SNCAIP: variants seen among roughly 807,000 people sequenced by gnomAD.
SNCAIP encodes the protein synuclein alpha interacting protein.
In SNCAIP, 43 loss-of-function variants were observed where a neutral mutation model predicts 86.7. The ratio of observed to expected loss-of-function variants is 0.50; its 90% CI spans 0.39 to 0.64. The LOEUF (loss-of-function observed/expected upper bound fraction) is 0.64. SNCAIP is among the 30% of genes least tolerant of loss of function. The pLI is 0.00. For synonymous variants in SNCAIP, 417 were observed against 427.2 expected, an observed-to-expected ratio of 0.98 and a Z score of 0.29; for missense variants, 981 against 1,103.1, an observed-to-expected ratio of 0.89 and a Z score of 1.57.
intron 1 of SNCAIP, among the ~76,000 whole-genome samples, chr5:122,355,642 A>C (rs905391468): frequency 3.3e-5 from 5 of 152,190 alleles, no homozygotes; most frequent in African/African-American, 1.2e-4. Flanking sequence ...AGTACCTCAC[A>C]TGGTAAGATC....
At chr5:122,373,469 C>T (rs554001890) in intron 1 of SNCAIP, among the ~76,000 whole-genome samples, 7 of 152,076 alleles carry the variant, frequency 4.6e-5, no homozygotes, top group Non-Finnish European at 2.9e-5. Flanking sequence ...TAGTGACAAA[C>T]AGAAGAGAAA....
At chr5:122,394,202 G>GA (rs1478707161) in intron 2 of SNCAIP, among the ~76,000 whole-genome samples, 1 of 151,890 alleles carries the variant, frequency 6.6e-6, no homozygotes, top group African/African-American at 2.4e-5. Context: ...ATATGTTTAT[G>GA]AAAAAGATGC....
intron 1 of SNCAIP, among the ~76,000 whole-genome samples, chr5:122,329,198 G>T (rs1460615905): frequency 6.9e-6 from 1 of 144,130 alleles, no homozygotes; most frequent in African/African-American, 2.6e-5. Flanking sequence ...GTGCTAATTT[G>T]TTTACATACA....
intron 1 of SNCAIP, among the ~76,000 whole-genome samples, chr5:122,374,089 G>T (rs112630007): frequency 3.8e-3 from 579 of 152,240 alleles, no homozygotes; most frequent in Non-Finnish European, 5.8e-3. Flanking sequence ...CGTTCTGATT[G>T]ATATTCTTTC....
intron 1 of SNCAIP, among the ~76,000 whole-genome samples, chr5:122,379,755 G>C (rs1315317898): frequency 6.7e-6 from 1 of 148,280 alleles, no homozygotes; most frequent in Non-Finnish European, 1.5e-5. Flanking sequence ...ATGAAGGGTT[G>C]TTGAATTTTG....
intron 1 of SNCAIP, among the ~76,000 whole-genome samples, chr5:122,347,037 G>A (rs1758747898): frequency 6.6e-6 from 1 of 151,806 alleles, no homozygotes. Flanking sequence ...ACATCGTTGA[G>A]GCAAGCTTTC....
chr5:122,448,818 C>G (rs1783061639), intron 8 of SNCAIP, among the ~76,000 whole-genome samples: 1 of 148,926 alleles, frequency 6.7e-6, no homozygotes, highest in African/African-American at 2.5e-5. Context: ...AGATCGAGAC[C>G]ATCCCGACTA....
chr5:122,444,625 G>C lies in SNCAIP; in HGVS notation c.1485G>C (p.Gln495His), dbSNP rs1781886013. ...ACCACGCTGGGGAAAAGCCCTCCCA[G>C]AGCGCCGAGCGGCAGGGGCACACCC... ...MQNHAGEKPSQSAERQGHTLC... is the reference protein window; with the variant it reads ...MQNHAGEKPSHSAERQGHTLC... The change falls in exon 8 of 11, where the codon CAG becomes CAC. Residue 495 changes from glutamine (Q) to histidine (H), a missense_variant. Gln to His is a conservative substitution (Grantham distance 24). Transcript: ENST00000261368. 6.2e-7 allele frequency: 1 copy of C among 1,614,000 alleles called. No individual in the cohort carries two copies. Among genetic ancestry groups the C allele is most frequent in the African/African-American group, 1.3e-5 (1 of 74,916 alleles).
chr5:122,319,365 C>G (rs1333865997), intron 1 of SNCAIP, among the ~76,000 whole-genome samples: 2 of 152,102 alleles, frequency 1.3e-5, no homozygotes, highest in South Asian at 4.2e-4. Context: ...AAAATAAAAG[C>G]GTCTTATGGA....
intron 3 of SNCAIP, among the ~76,000 whole-genome samples, chr5:122,409,425 A>T (rs1773675201): frequency 6.6e-6 from 1 of 152,230 alleles, no homozygotes; most frequent in African/African-American, 2.4e-5. Flanking sequence ...AAGGCAGATA[A>T]ATATTAATAC....
intron 8 of SNCAIP, among the ~76,000 whole-genome samples, chr5:122,445,741 C>G (rs1446167027): frequency 6.9e-6 from 1 of 145,184 alleles, no homozygotes; most frequent in Admixed American, 6.8e-5. Flanking sequence ...AAGAAAAAAA[C>G]CTTGGTTTTT....
At position 122,367,508 on chromosome 5, in the gene SNCAIP, T is replaced by C. The variant is rs550853244; in HGVS notation, c.-46-23581T>C. The stretch of plus-strand genomic sequence containing the variant: ...TTGCAGGGTTGGTGAGACTTGAGGA[T>C]GTATGTGGTCAGGTTCCAAAAACCA... On this transcript the variant is annotated intron_variant, in intron 1 of 10. Coordinates refer to ENST00000261368, the MANE Select transcript of SNCAIP (RefSeq NM_005460.4). Among the ~76,000 whole-genome samples, 3 of 152,118 alleles carry C rather than the reference T, an allele frequency of 2.0e-5. No individual in the cohort carries two copies. The East Asian group carries it at 5.8e-4, about 29-fold the overall frequency.
chr5:122,433,691 T>A (rs1235569956), intron 6 of SNCAIP, among the ~76,000 whole-genome samples: 1 of 152,180 alleles, frequency 6.6e-6, no homozygotes, highest in African/African-American at 2.4e-5. Context: ...CTAGTCCCCA[T>A]CCACAGTGTC....
chr5:122,376,945 G>A (rs1254377754), intron 1 of SNCAIP, among the ~76,000 whole-genome samples: 1 of 152,094 alleles, frequency 6.6e-6, no homozygotes, highest in African/African-American at 2.4e-5. Context: ...GCAGGATTCT[G>A]ATCTTCTTCT....
Position 122,406,829 on chromosome 5 carries a change from C to T in SNCAIP, c.130+2964C>T, listed in dbSNP as rs1042020191. Among the ~76,000 whole-genome samples the T allele has an allele frequency of 7.9e-5, 12 of 152,206 alleles. No individual in the cohort carries two copies. In the East Asian group the frequency reaches 1.5e-3, roughly 20 times the overall value. On this transcript the variant is annotated intron_variant, in intron 3 of 10. Transcript: ENST00000261368. ...CCTTTCTTTATAAATTACCCAATCT[C>T]GGGTATTTCTTTATAGCAGTGCAAG...
intron 1 of SNCAIP, among the ~76,000 whole-genome samples, chr5:122,324,280 A>G (rs936291456): frequency 6.6e-6 from 1 of 152,204 alleles, no homozygotes; most frequent in Non-Finnish European, 1.5e-5. Context: ...ATCCAAGCTT[A>G]GAACAACCTG....
chr5:122,315,330 C>A (rs1751487043), intron 1 of SNCAIP, among the ~76,000 whole-genome samples: 1 of 152,180 alleles, frequency 6.6e-6, no homozygotes, highest in South Asian at 2.1e-4. Context: ...CCAGCACACT[C>A]CCCTTGGCTT....
chr5:122,435,990 G>A (rs1049282041), intron 6 of SNCAIP, among the ~76,000 whole-genome samples: 2 of 152,114 alleles, frequency 1.3e-5, no homozygotes, highest in African/African-American at 2.4e-5. Flanking sequence ...AGACTGACAG[G>A]CAGTTAACTG....
At chr5:122,444,766 C>G in intron 8 of SNCAIP, 34 bp downstream of exon 8, 1 of 1,561,884 alleles carries the variant, frequency 6.4e-7, no homozygotes, top group Non-Finnish European at 8.8e-7. Flanking sequence ...AGAACCAAGT[C>G]TAACTCATTA....
Sources: gnomAD v4.1 joint callset for allele counts (sites outside exome capture counted in the v4.1 genomes callset) on GRCh38, gnomAD v4.1.1 for gene constraint, MANE v1.5 for transcripts, NCBI Gene and HGNC (gene_info 2026-07-23, HGNC 2026-07-21) for gene names.